NAALADL2: variants seen among roughly 807,000 people sequenced by gnomAD.
NAALADL2 encodes the protein N-acetylated alpha-linked acidic dipeptidase like 2, also known as inactive N-acetylated-alpha-linked acidic dipeptidase-like protein 2.
A neutral mutation model predicts 87.2 loss-of-function variants in NAALADL2; 76 were observed. The ratio of observed to expected loss-of-function variants is 0.87; its 90% confidence interval spans 0.72 to 1.05. The LOEUF (loss-of-function observed/expected upper bound fraction) is 1.05, where lower values mean the gene tolerates loss of function less well. NAALADL2 is among the 50% of genes least tolerant of loss of function. The pLI is 0.00. For missense variants in NAALADL2, 1,089 were observed against 945.8 expected (o/e 1.15, Z -1.99); for synonymous variants, 354 against 331.0 (o/e 1.07, Z -0.75).
chr3:174,470,505 T>C (rs1163146849), intron 1 of NAALADL2, among the ~76,000 whole-genome samples: 1 of 152,150 alleles, frequency 6.6e-6, no homozygotes, highest in Non-Finnish European at 1.5e-5. Context: ...TCAATTTTTG[T>C]TTTAGTTGCA....
chr3:175,176,559 A>G (rs1200622516), intron 2 of NAALADL2, among the ~76,000 whole-genome samples: 1 of 152,110 alleles, frequency 6.6e-6, no homozygotes, highest in Admixed American at 6.6e-5. Flanking sequence ...ACATGTGATT[A>G]AGTTAAGGAT....
chr3:175,194,276 G>T (rs1738656222), intron 2 of NAALADL2, among the ~76,000 whole-genome samples: 2 of 151,850 alleles, frequency 1.3e-5, no homozygotes, highest in South Asian at 2.1e-4. Context: ...GCCATTTTTA[G>T]TAGGTGATTA....
At chr3:174,667,628 G>C (rs888785129) in intron 2 of NAALADL2, among the ~76,000 whole-genome samples, 1 of 145,350 alleles carries the variant, frequency 6.9e-6, no homozygotes, top group Non-Finnish European at 1.5e-5. Context: ...GAGTTTTATA[G>C]TGGGCATACT....
rs9811807 is a variant in NAALADL2 at position 175,455,242 on chromosome 3, C to A, written c.1234+7870C>A. On this transcript the variant is annotated intron_variant, in intron 6 of 13. Coordinates refer to ENST00000454872, the MANE Select transcript of NAALADL2 (RefSeq NM_207015.3). Reference sequence around the variant, plus strand: ...TGCCTTCAATTGGGTAAACTAAACCCGAAGCCAAAGAATAAAAGAACCAGG... The same window carrying A: ...TGCCTTCAATTGGGTAAACTAAACCAGAAGCCAAAGAATAAAAGAACCAGG... Among the ~76,000 whole-genome samples the A allele has an allele frequency of 8.9e-3, 1,346 of 152,024 alleles. 28 individuals are homozygous for A. The highest frequency in any genetic ancestry group is 0.031 in the African/African-American group (1,274 of 41,476).
chr3:174,556,700 G>T (rs1712870471), intron 2 of NAALADL2, among the ~76,000 whole-genome samples: 2 of 152,086 alleles, frequency 1.3e-5, no homozygotes, highest in Admixed American at 1.3e-4. Flanking sequence ...TTCTTGAAAT[G>T]CAAAGAGTCA....
At chr3:175,409,824 A>G (rs1713144455) in intron 5 of NAALADL2, among the ~76,000 whole-genome samples, 1 of 152,082 alleles carries the variant, frequency 6.6e-6, no homozygotes, top group Non-Finnish European at 1.5e-5. Context: ...TAATTAGATT[A>G]TGCATTTGTT....
rs189282366 is a variant in NAALADL2, at chr3:175,514,652, A to G, written c.1653+42894A>G. Among the ~76,000 whole-genome samples, 95 of 152,330 alleles carry G rather than the reference A, an allele frequency of 6.2e-4. 2 individuals carry two copies. Among genetic ancestry groups the G allele is most frequent in the Admixed American group, 7.2e-4 (11 of 15,298 alleles). On this transcript the variant is annotated intron_variant, in intron 9 of 13. Transcript: ENST00000454872. Reference sequence around the variant, plus strand: ...AAAAGTGCAGGAAACAGTTACAAGCAGCGGTGTGTTGTCTTTGAGAAAGAA... The same window carrying G: ...AAAAGTGCAGGAAACAGTTACAAGCGGCGGTGTGTTGTCTTTGAGAAAGAA...
chr3:175,281,400 T>C (rs1227846276), intron 4 of NAALADL2, among the ~76,000 whole-genome samples: 1 of 152,048 alleles, frequency 6.6e-6, no homozygotes, highest in East Asian at 1.9e-4. Flanking sequence ...CACTTTTTCA[T>C]ATCATTCGTT....
intron 1 of NAALADL2, among the ~76,000 whole-genome samples, chr3:174,905,276 T>C (rs1447050731): frequency 6.6e-6 from 1 of 151,940 alleles, no homozygotes; most frequent in African/African-American, 2.4e-5. Flanking sequence ...TAAATGCTCA[T>C]TGTTCTGAGC....
At chr3:174,877,989 G>C (rs1184405894) in intron 1 of NAALADL2, among the ~76,000 whole-genome samples, 1 of 152,020 alleles carries the variant, frequency 6.6e-6, no homozygotes, top group Non-Finnish European at 1.5e-5. Context: ...TCCAAAACCA[G>C]AGTGTACTTA....
At chr3:175,651,226 C>G (rs1422746680) in intron 11 of NAALADL2, among the ~76,000 whole-genome samples, 1 of 152,010 alleles carries the variant, frequency 6.6e-6, no homozygotes, top group Non-Finnish European at 1.5e-5. Flanking sequence ...AAATCAGTAA[C>G]AAATTATAGT....
chr3:174,941,764 GT>G (rs61543609), intron 1 of NAALADL2, among the ~76,000 whole-genome samples: 120,133 of 151,614 alleles, frequency 0.79, 48,327 homozygotes, highest in African/African-American at 0.86. Flanking sequence ...ACTTCTTTAT[GT>G]TTTTTTTTAT....
At chr3:174,714,368 T>C (rs993953152) in intron 2 of NAALADL2, among the ~76,000 whole-genome samples, 1 of 152,206 alleles carries the variant, frequency 6.6e-6, no homozygotes, top group African/African-American at 2.4e-5. Flanking sequence ...GGGGATGGCA[T>C]TGAATCTGTA....
intron 10 of NAALADL2, among the ~76,000 whole-genome samples, chr3:175,605,068 A>G (rs895783869): frequency 3.3e-5 from 5 of 152,170 alleles, no homozygotes; most frequent in African/African-American, 4.8e-5. Context: ...CTATTCCTTT[A>G]TGAAGAAAGC....
At chr3:174,675,746 T>C (rs1726982525) in intron 2 of NAALADL2, among the ~76,000 whole-genome samples, 1 of 152,054 alleles carries the variant, frequency 6.6e-6, no homozygotes, top group Non-Finnish European at 1.5e-5. Flanking sequence ...TGTGTAACCA[T>C]GTTAAGTGAA....
At chr3:175,097,398 C>A in intron 2 of NAALADL2, 107 bp downstream of exon 2, 2 of 1,010,006 alleles carry the variant, frequency 2.0e-6, no homozygotes, top group Non-Finnish European at 1.5e-6. Context: ...GTGTTGCAAG[C>A]TGAGAAACAT....
chr3:175,056,826 T>C (rs1006746787), intron 1 of NAALADL2, among the ~76,000 whole-genome samples: 4 of 152,236 alleles, frequency 2.6e-5, no homozygotes, highest in African/African-American at 9.6e-5. Flanking sequence ...CTATTGTTTG[T>C]GGTTTAAGAA....
intron 3 of NAALADL2, among the ~76,000 whole-genome samples, chr3:174,840,055 T>C (rs1032544004): frequency 4.0e-5 from 6 of 151,894 alleles, no homozygotes; most frequent in Non-Finnish European, 5.9e-5. Context: ...TGCACATGCA[T>C]TTATATAGCA....
chr3:174,869,327 C>T (rs1727519086), intron 1 of NAALADL2, among the ~76,000 whole-genome samples: 1 of 152,038 alleles, frequency 6.6e-6, no homozygotes, highest in African/African-American at 2.4e-5. Context: ...GAGGTAGTTA[C>T]ACCAAAACAG....
Sources: gnomAD v4.1 joint callset for allele counts (sites outside exome capture counted in the v4.1 genomes callset) on GRCh38, gnomAD v4.1.1 for gene constraint, MANE v1.5 for transcripts, NCBI Gene and HGNC (gene_info 2026-07-23, HGNC 2026-07-21) for gene names.